The following MAGI2 variants were observed in gnomAD, a reference collection of about 807,000 sequenced individuals.
The protein encoded by MAGI2 is membrane-associated guanylate kinase, WW and PDZ domain-containing protein 2.
A neutral mutation model predicts 133.3 loss-of-function variants in MAGI2; 35 were observed. The ratio of observed to expected loss-of-function variants is 0.26; its 90% CI spans 0.20 to 0.35. The LOEUF (loss-of-function observed/expected upper bound fraction) is 0.35. Among genes scored for constraint, MAGI2 ranks in the 10% least tolerant of loss-of-function variants. MAGI2 has a pLI of 1.00. For synonymous variants in MAGI2, 729 were observed against 710.6 expected (o/e 1.03, Z -0.41); for missense variants, 1,636 against 1,863.4 (o/e 0.88, Z 2.25).
At chr7:79,388,506 A>G (rs1490901585) in intron 1 of MAGI2, among the ~76,000 whole-genome samples, 1 of 151,972 alleles carries the variant, frequency 6.6e-6, no homozygotes. Context: ...TGAGGCTTAC[A>G]TGGACATTGA....
At position 78,159,376 on chromosome 7, in the gene MAGI2, A is replaced by G. The variant is rs534647769; in HGVS notation, c.2845+649T>C. Among the ~76,000 whole-genome samples the G allele has an allele frequency of 2.2e-4, 34 of 152,204 alleles. 1 individual carries two copies. In the South Asian group the frequency reaches 6.4e-3, roughly 29 times the overall value. On this transcript the variant is annotated intron_variant, in intron 16 of 21. Transcript: ENST00000354212. Reference sequence around the variant, plus strand: ...CCCTTTGGTTTCAATTTCCACAAGCATTTAGACTCATCTTTTACAAATATA... The same window carrying G: ...CCCTTTGGTTTCAATTTCCACAAGCGTTTAGACTCATCTTTTACAAATATA...
intron 6 of MAGI2, among the ~76,000 whole-genome samples, chr7:78,401,529 A>T (rs1796867426): frequency 6.6e-6 from 1 of 151,726 alleles, no homozygotes; most frequent in African/African-American, 2.4e-5. Flanking sequence ...TGTTCTTTTT[A>T]GACAGTCTTT....
At chr7:79,297,085 GGAGTCATTCA>G (rs1836991634) in intron 1 of MAGI2, among the ~76,000 whole-genome samples, 3 of 152,026 alleles carry the variant, frequency 2.0e-5, no homozygotes, top group East Asian at 3.9e-4. Flanking sequence ...TCAAGAGAAC[GGAGTCATTCA>G]GTCATGCCAG....
At chr7:78,307,946 T>G (rs922827738) in intron 9 of MAGI2, among the ~76,000 whole-genome samples, 1 of 152,020 alleles carries the variant, frequency 6.6e-6, no homozygotes, top group Non-Finnish European at 1.5e-5. Flanking sequence ...CTAGGTGAAA[T>G]AATAAGGGAC....
At chr7:79,366,506 G>C (rs1842718112) in intron 1 of MAGI2, among the ~76,000 whole-genome samples, 1 of 151,976 alleles carries the variant, frequency 6.6e-6, no homozygotes, top group African/African-American at 2.4e-5. Flanking sequence ...AACCTACTGA[G>C]CTAATAAACG....
chr7:79,416,194 A>G (rs941752166), intron 1 of MAGI2, among the ~76,000 whole-genome samples: 1 of 152,086 alleles, frequency 6.6e-6, no homozygotes, highest in African/African-American at 2.4e-5. Context: ...AAATTTTCTG[A>G]CTCAAAGCCC....
At chr7:78,591,465 A>G (rs1803995300) in intron 3 of MAGI2, among the ~76,000 whole-genome samples, 2 of 152,234 alleles carry the variant, frequency 1.3e-5, no homozygotes, top group South Asian at 2.1e-4. Flanking sequence ...GGAGTACTCT[A>G]TTCCACAGAA....
At chr7:78,145,019 TG>T (rs1293108418) in intron 16 of MAGI2, among the ~76,000 whole-genome samples, 1 of 152,154 alleles carries the variant, frequency 6.6e-6, no homozygotes, top group Non-Finnish European at 1.5e-5. Context: ...TCTTTCATTT[TG>T]TTGAAGCATA....
intron 16 of MAGI2, among the ~76,000 whole-genome samples, chr7:78,151,620 C>T (rs1823881463): frequency 6.6e-6 from 1 of 152,140 alleles, no homozygotes; most frequent in East Asian, 1.9e-4. Flanking sequence ...TTCACCAGGC[C>T]CCAGGCTGAC....
chr7:78,076,094 T>C (rs1462762988), intron 21 of MAGI2, among the ~76,000 whole-genome samples: 3 of 152,218 alleles, frequency 2.0e-5, no homozygotes, highest in African/African-American at 7.2e-5. Flanking sequence ...TGTTCCACTT[T>C]AGAAGAATAT....
chr7:79,410,022 T>C (rs1033861965), intron 1 of MAGI2: 2 of 152,030 alleles, frequency 1.3e-5, no homozygotes, highest in African/African-American at 4.8e-5. Context: ...GAAGTACAAA[T>C]AAATAGAAAC....
At chr7:79,008,314 T>A (rs1807668568) in intron 1 of MAGI2, among the ~76,000 whole-genome samples, 1 of 152,186 alleles carries the variant, frequency 6.6e-6, no homozygotes, top group Non-Finnish European at 1.5e-5. Context: ...ACTAGCATTA[T>A]GTAGGTGTGC....
At chr7:78,952,523 A>G (rs1335958424) in intron 2 of MAGI2, among the ~76,000 whole-genome samples, 2 of 152,188 alleles carry the variant, frequency 1.3e-5, no homozygotes, top group Non-Finnish European at 2.9e-5. Context: ...TAACTGCCCC[A>G]TTCAGCGTTC....
intron 6 of MAGI2, among the ~76,000 whole-genome samples, chr7:78,424,934 T>C (rs1479027364): frequency 1.3e-5 from 2 of 152,176 alleles, no homozygotes; most frequent in African/African-American, 4.8e-5. Flanking sequence ...CTTTGGACTA[T>C]GGACTTTTGA....
chr7:78,998,256 T>A (rs1261955843), intron 2 of MAGI2, among the ~76,000 whole-genome samples: 3 of 152,200 alleles, frequency 2.0e-5, no homozygotes, highest in African/African-American at 7.2e-5. Flanking sequence ...TTCCATAAGC[T>A]GTTTACACCT....
At chr7:79,393,480 G>A (rs971588933) in intron 1 of MAGI2, among the ~76,000 whole-genome samples, 1 of 151,982 alleles carries the variant, frequency 6.6e-6, no homozygotes, top group African/African-American at 2.4e-5. Flanking sequence ...TGATTATTCT[G>A]GGATGGTAAG....
At chr7:79,014,220 G>A (rs1808460450) in intron 1 of MAGI2, among the ~76,000 whole-genome samples, 1 of 152,020 alleles carries the variant, frequency 6.6e-6, no homozygotes, top group South Asian at 2.1e-4. Flanking sequence ...CCCTACTATT[G>A]TACAGATGGG....
intron 2 of MAGI2, chr7:79,000,444 G>A (rs1806746171): frequency 1.3e-5 from 2 of 152,062 alleles, no homozygotes; most frequent in African/African-American, 4.8e-5. Flanking sequence ...TTTTGCTTGA[G>A]AAATAAAATT....
intron 1 of MAGI2, among the ~76,000 whole-genome samples, chr7:79,236,900 C>T (rs1214684655): frequency 1.3e-5 from 2 of 152,074 alleles, no homozygotes; most frequent in Non-Finnish European, 1.5e-5. Context: ...ATATAATTAG[C>T]TGAGGACAGT....
Sources: gnomAD v4.1 joint callset for allele counts (sites outside exome capture counted in the v4.1 genomes callset) on GRCh38, gnomAD v4.1.1 for gene constraint, MANE v1.5 for transcripts, NCBI Gene and HGNC (gene_info 2026-07-23, HGNC 2026-07-21) for gene names.